The following INPP4B variants were observed in gnomAD, a reference collection of about 807,000 sequenced individuals.
INPP4B encodes the protein inositol polyphosphate 4-phosphatase type II.
INPP4B carries 55 observed loss-of-function variants against 122.5 expected under a neutral mutation model. The ratio of observed to expected loss-of-function variants is 0.45; its 90% CI spans 0.36 to 0.56. The LOEUF is 0.56. INPP4B is among the 20% of genes least tolerant of loss of function. The pLI is 0.00. For missense variants in INPP4B, 1,000 were observed against 1,097.7 expected, an observed-to-expected ratio of 0.91 and a Z score of 1.26; for synonymous variants, 403 against 388.7, an observed-to-expected ratio of 1.04 and a Z score of -0.43.
At chr4:142,235,433 T>A (rs1166601505) in intron 12 of INPP4B, among the ~76,000 whole-genome samples, 1 of 151,926 alleles carries the variant, frequency 6.6e-6, no homozygotes, top group Non-Finnish European at 1.5e-5. Context: ...TATTTATTTA[T>A]TTTTTTGAGA....
chr4:142,375,086 A>G (rs960999529), intron 7 of INPP4B, among the ~76,000 whole-genome samples: 2 of 151,654 alleles, frequency 1.3e-5, no homozygotes, highest in Non-Finnish European at 2.9e-5. Flanking sequence ...CTCACTCCTT[A>G]ATCTCTCAGA....
At chr4:142,253,235 G>C (rs987880658) in intron 11 of INPP4B, among the ~76,000 whole-genome samples, 2 of 152,186 alleles carry the variant, frequency 1.3e-5, no homozygotes, top group Non-Finnish European at 2.9e-5. Flanking sequence ...AGTGGTGGGT[G>C]AATGTGAAGT....
At chr4:142,721,087 T>A (rs1484493082) in intron 2 of INPP4B, among the ~76,000 whole-genome samples, 1 of 151,588 alleles carries the variant, frequency 6.6e-6, no homozygotes, top group Non-Finnish European at 1.5e-5. Flanking sequence ...CAAAGTAATC[T>A]TAGTGCTGCA....
intron 15 of INPP4B, among the ~76,000 whole-genome samples, chr4:142,186,890 T>A (rs1324549169): frequency 6.6e-6 from 1 of 152,182 alleles, no homozygotes; most frequent in East Asian, 1.9e-4. Flanking sequence ...TGTTCAAGCC[T>A]CAGCATGACT....
intron 1 of INPP4B, among the ~76,000 whole-genome samples, chr4:142,781,811 G>A (rs1774869659): frequency 6.6e-6 from 1 of 151,908 alleles, no homozygotes; most frequent in Non-Finnish European, 1.5e-5. Context: ...AAAGCCCCAT[G>A]GAAATGGACT....
At chr4:142,056,031 G>A (rs1426987315) in intron 25 of INPP4B, among the ~76,000 whole-genome samples, 1 of 151,862 alleles carries the variant, frequency 6.6e-6, no homozygotes, top group Non-Finnish European at 1.5e-5. Flanking sequence ...TTCATAAGGA[G>A]CACGTAGCCT....
chr4:142,357,154 T>C (rs1417314870), intron 7 of INPP4B, among the ~76,000 whole-genome samples: 1 of 152,028 alleles, frequency 6.6e-6, no homozygotes, highest in Non-Finnish European at 1.5e-5. Context: ...TTTTCTGAGC[T>C]CTGTGAACCA....
intron 5 of INPP4B, among the ~76,000 whole-genome samples, chr4:142,413,313 G>A (rs1030583833): frequency 6.6e-6 from 1 of 152,062 alleles, no homozygotes; most frequent in Admixed American, 6.6e-5. Context: ...TTTCTAAAAG[G>A]TCAGCGGATA....
At chr4:142,795,398 G>A (rs547410585) in intron 1 of INPP4B, 30 of 152,016 alleles carry the variant, frequency 2.0e-4, no homozygotes, top group African/African-American at 7.0e-4. Context: ...CCTGAGTGGT[G>A]GGTGTGTCAG....
At chr4:142,521,402 T>C (rs2149921406) in intron 2 of INPP4B, among the ~76,000 whole-genome samples, 2 of 152,188 alleles carry the variant, frequency 1.3e-5, no homozygotes, top group South Asian at 4.1e-4. Flanking sequence ...TAACCAAGAA[T>C]ATCCAAAATT....
intron 7 of INPP4B, among the ~76,000 whole-genome samples, chr4:142,363,937 A>T (rs1786442614): frequency 6.6e-6 from 1 of 152,078 alleles, no homozygotes; most frequent in South Asian, 2.1e-4. Context: ...ACTGGAATTC[A>T]TGCCAGCTGC....
At chr4:142,737,491 C>T (rs1430126747) in intron 1 of INPP4B, among the ~76,000 whole-genome samples, 2 of 152,056 alleles carry the variant, frequency 1.3e-5, no homozygotes, top group Non-Finnish European at 2.9e-5. Flanking sequence ...ACATGTTAGA[C>T]CTAAAACCAT....
intron 2 of INPP4B, among the ~76,000 whole-genome samples, chr4:142,653,486 C>T (rs975817356): frequency 2.0e-5 from 3 of 151,960 alleles, no homozygotes; most frequent in Admixed American, 6.6e-5. Flanking sequence ...TGACAAACGG[C>T]TAATATCCAG....
At chr4:142,030,122 T>C (rs1453448389) in intron 25 of INPP4B, 1 of 1,529,542 alleles carries the variant, frequency 6.5e-7, no homozygotes, top group Non-Finnish European at 8.8e-7. Context: ...GAATACAACA[T>C]AAAACTTATT....
intron 2 of INPP4B, among the ~76,000 whole-genome samples, chr4:142,549,614 A>C (rs28675992): frequency 0.018 from 2,779 of 152,252 alleles, 87 homozygotes; most frequent in African/African-American, 0.064. Flanking sequence ...GAAAATAAGT[A>C]CAACGAAAGG....
chr4:142,091,444 T>G (rs1288304661), intron 23 of INPP4B, among the ~76,000 whole-genome samples: 2 of 152,230 alleles, frequency 1.3e-5, no homozygotes, highest in African/African-American at 4.8e-5. Context: ...AAAGGCTACA[T>G]TATTAAATTC....
chr4:142,139,003 T>C (rs887163984), intron 18 of INPP4B, among the ~76,000 whole-genome samples: 1 of 152,154 alleles, frequency 6.6e-6, no homozygotes, highest in Non-Finnish European at 1.5e-5. Context: ...GCCTCCCAAA[T>C]GTTTACTTCC....
rs764327310 is a variant in INPP4B at position 142,367,186 on chromosome 4, A to ATGTGTGTG, written c.372+35751_372+35752insCACACACA. ...TAAATAGTGTGTATGTATACATGTA[A>ATGTGTGTG]TATGTGTGTGTGTGTGTGTGTGTGT... On this transcript the variant is annotated intron_variant, in intron 7 of 25. Coordinates refer to ENST00000262992, the MANE Select transcript of INPP4B (RefSeq NM_001101669.3). Among the ~76,000 whole-genome samples, 556 of 106,488 alleles carry ATGTGTGTG rather than the reference A, an allele frequency of 5.2e-3. 4 individuals carry two copies. The highest frequency in any genetic ancestry group is 0.017 in the African/African-American group (530 of 30,844). The allele number at this position is 106,488 out of a possible 152,430, so 69.9% of individuals were successfully genotyped here. A position where few individuals can be genotyped will look rare whatever the true frequency, so the allele number is the denominator to read the frequency against.
intron 2 of INPP4B, among the ~76,000 whole-genome samples, chr4:142,632,979 T>A (rs1056948527): frequency 6.6e-6 from 1 of 150,984 alleles, no homozygotes; most frequent in African/African-American, 2.4e-5. Flanking sequence ...TAAAAGAAGA[T>A]CAAATAAAAA....
Sources: allele counts gnomAD v4.1 joint callset (sites outside exome capture counted in the v4.1 genomes callset), GRCh38; gene constraint gnomAD v4.1.1; transcripts MANE v1.5; gene names NCBI Gene and HGNC (gene_info 2026-07-23, HGNC 2026-07-21).